Variants in SGCD observed in about 807,000 individuals in gnomAD.
The protein encoded by SGCD is sarcoglycan delta, also known as delta-sarcoglycan.
SGCD carries 18 observed loss-of-function variants against 36.6 expected under a neutral mutation model. The observed-to-expected ratio is 0.49, with a 90% CI of 0.34 to 0.73. SGCD has a LOEUF of 0.73. SGCD is among the 30% of genes least tolerant of loss of function. The probability of loss-of-function intolerance (pLI) is 0.01; values close to 1 mark genes in which losing one functional copy is unlikely to be tolerated. For synonymous variants in SGCD, 133 were observed against 130.6 expected, an observed-to-expected ratio of 1.02 and a Z score of -0.12; for missense variants, 387 against 346.7, an observed-to-expected ratio of 1.12 and a Z score of -0.92.
intron 3 of SGCD, among the ~76,000 whole-genome samples, chr5:156,461,000 G>T (rs1032114960): frequency 1.3e-5 from 2 of 152,130 alleles, no homozygotes; most frequent in Non-Finnish European, 2.9e-5. Context: ...ATATAGTAGA[G>T]ATTTTTATTT....
At chr5:155,906,508 T>C (rs193131746) in intron 1 of SGCD, among the ~76,000 whole-genome samples, 28 of 152,258 alleles carry the variant, frequency 1.8e-4, no homozygotes, top group African/African-American at 6.3e-4. Context: ...GGAGAAAATA[T>C]AAAGTGCTAC....
intron 3 of SGCD, among the ~76,000 whole-genome samples, chr5:156,202,682 G>A (rs1764177875): frequency 6.6e-6 from 1 of 151,902 alleles, no homozygotes; most frequent in African/African-American, 2.4e-5. Context: ...GTCTCACAGG[G>A]GTGTCAGAAT....
chr5:156,011,879 G>A (rs984839712), intron 1 of SGCD, among the ~76,000 whole-genome samples: 1 of 152,198 alleles, frequency 6.6e-6, no homozygotes. Flanking sequence ...AAAGGCACAA[G>A]ACAAAAGCAC....
intron 4 of SGCD, among the ~76,000 whole-genome samples, chr5:156,534,026 A>G (rs1757994557): frequency 6.6e-6 from 1 of 152,214 alleles, no homozygotes; most frequent in African/African-American, 2.4e-5. Flanking sequence ...GTTCATGTCA[A>G]TCAATGTAAC....
chr5:156,674,131 A>G, intron 7 of SGCD, among the ~76,000 whole-genome samples: 1 of 152,218 alleles, frequency 6.6e-6, no homozygotes, highest in Non-Finnish European at 1.5e-5. Flanking sequence ...GCAAATGACT[A>G]GGCTGCTCTT....
chr5:155,789,886 A>G, the SGCD span, among the ~76,000 whole-genome samples: 2 of 152,020 alleles, frequency 1.3e-5, no homozygotes, highest in Admixed American at 1.3e-4. Context: ...TAGGTCCCTT[A>G]TTTTTAATCC....
At chr5:155,990,124 T>A (rs1387638643) in intron 1 of SGCD, among the ~76,000 whole-genome samples, 1 of 152,190 alleles carries the variant, frequency 6.6e-6, no homozygotes, top group African/African-American at 2.4e-5. Context: ...GGCTTTGACT[T>A]GTTTCCATGT....
At chr5:156,478,359 C>G (rs1052664952) in intron 3 of SGCD, among the ~76,000 whole-genome samples, 2 of 152,148 alleles carry the variant, frequency 1.3e-5, no homozygotes, top group African/African-American at 4.8e-5. Flanking sequence ...CTTTTGAGAT[C>G]AGGCACCTGT....
chr5:156,665,394 G>A (rs1421142714), intron 7 of SGCD, among the ~76,000 whole-genome samples: 6 of 152,252 alleles, frequency 3.9e-5, no homozygotes, highest in South Asian at 4.1e-4. Flanking sequence ...GTAAACTTTC[G>A]GTTTCTTTCT....
intron 3 of SGCD, among the ~76,000 whole-genome samples, chr5:156,316,232 A>C (rs564792457): frequency 6.6e-6 from 1 of 152,110 alleles, no homozygotes; most frequent in East Asian, 1.9e-4. Flanking sequence ...CAAAAATATA[A>C]CTAGAAATAA....
chr5:156,710,280 C>T (rs1561869429), intron 7 of SGCD, among the ~76,000 whole-genome samples: 1 of 152,126 alleles, frequency 6.6e-6, no homozygotes, highest in Non-Finnish European at 1.5e-5. Flanking sequence ...TCAGAAAAAC[C>T]AGCCAAAATG....
chr5:155,879,210 C>T (rs1350855436), intron 1 of SGCD, among the ~76,000 whole-genome samples: 2 of 152,144 alleles, frequency 1.3e-5, no homozygotes, highest in African/African-American at 4.8e-5. Context: ...ATCAAATGTC[C>T]TATTCCTTGT....
chr5:156,118,213 G>A (rs868318202), intron 2 of SGCD, among the ~76,000 whole-genome samples: 14 of 152,224 alleles, frequency 9.2e-5, no homozygotes, highest in Non-Finnish European at 1.5e-4. Flanking sequence ...GCTGCCCTGA[G>A]AATTTTGTTG....
At chr5:156,687,436 A>G (rs1753942340) in intron 7 of SGCD, among the ~76,000 whole-genome samples, 1 of 152,186 alleles carries the variant, frequency 6.6e-6, no homozygotes, top group Non-Finnish European at 1.5e-5. Context: ...CATGAGACAG[A>G]ACAAAAAGAA....
At chr5:155,871,413 A>G (rs1755653280) in intron 1 of SGCD, among the ~76,000 whole-genome samples, 1 of 152,142 alleles carries the variant, frequency 6.6e-6, no homozygotes, top group South Asian at 2.1e-4. Context: ...AATTCAGAGA[A>G]ACTTTATTAG....
the SGCD span, among the ~76,000 whole-genome samples, chr5:155,829,806 G>A: frequency 6.6e-6 from 1 of 152,152 alleles, no homozygotes; most frequent in African/African-American, 2.4e-5. Flanking sequence ...TCATACAAAA[G>A]TATTAGAGGA....
At chr5:155,853,948 C>G in the SGCD span, among the ~76,000 whole-genome samples, 2 of 152,138 alleles carry the variant, frequency 1.3e-5, no homozygotes, top group Non-Finnish European at 2.9e-5. Context: ...TGAAACACAG[C>G]AAATTTATAG....
chr5:155,969,246 T>C (rs951660436), intron 1 of SGCD, among the ~76,000 whole-genome samples: 1 of 152,128 alleles, frequency 6.6e-6, no homozygotes. Context: ...TGACATGGCA[T>C]AGGTAGACAA....
chr5:156,653,613 G>A, intron 7 of SGCD, among the ~76,000 whole-genome samples: 1 of 147,370 alleles, frequency 6.8e-6, no homozygotes, highest in African/African-American at 2.5e-5. Context: ...GTGTTTTATA[G>A]GAGTATCTCT....
Sources: gnomAD v4.1 joint callset for allele counts (sites outside exome capture counted in the v4.1 genomes callset) on GRCh38, gnomAD v4.1.1 for gene constraint, MANE v1.5 for transcripts, NCBI Gene and HGNC (gene_info 2026-07-23, HGNC 2026-07-21) for gene names.